PARP8: variants seen among roughly 807,000 people sequenced by gnomAD.
PARP8 encodes the protein poly(ADP-ribose) polymerase family member 8.
In PARP8, 51 loss-of-function variants were observed where a neutral mutation model predicts 124.1. The observed-to-expected ratio is 0.41, with a 90% CI of 0.33 to 0.52. The LOEUF (loss-of-function observed/expected upper bound fraction) is 0.52. PARP8 is among the 20% of genes least tolerant of loss of function. The pLI is 0.21. For synonymous variants in PARP8, 391 were observed against 361.5 expected (o/e 1.08, Z -0.93); for missense variants, 860 against 1,018.9 (o/e 0.84, Z 2.12).
chr5:50,677,623 G>A (rs550654176), intron 2 of PARP8, among the ~76,000 whole-genome samples: 26 of 151,856 alleles, frequency 1.7e-4, no homozygotes, highest in Non-Finnish European at 3.1e-4. Flanking sequence ...TATTTTTTTT[G>A]TAATCATATT....
At chr5:50,803,858 G>A (rs563666464) in intron 14 of PARP8, among the ~76,000 whole-genome samples, 55 of 151,824 alleles carry the variant, frequency 3.6e-4, no homozygotes, top group South Asian at 6.2e-4. Flanking sequence ...TTATTTCTTC[G>A]CATGCCTTTT....
chr5:50,703,987 A>G (rs1049872713), intron 2 of PARP8, among the ~76,000 whole-genome samples: 1 of 152,182 alleles, frequency 6.6e-6, no homozygotes, highest in African/African-American at 2.4e-5. Flanking sequence ...GCAAGATATA[A>G]AATTCAATTG....
chr5:50,828,255 A>G (rs1746563929), intron 20 of PARP8, 57 bp from the exon 21 acceptor site: 2 of 1,517,220 alleles, frequency 1.3e-6, no homozygotes, highest in Admixed American at 1.7e-5. Context: ...TGTTTTGACC[A>G]CTTTGAAGAT....
At chr5:50,788,171 T>G (rs1163105418) in intron 9 of PARP8, among the ~76,000 whole-genome samples, 1 of 146,626 alleles carries the variant, frequency 6.8e-6, no homozygotes, top group Non-Finnish European at 1.5e-5. Flanking sequence ...TTACATATAT[T>G]ATACATTAAT....
chr5:50,683,038 C>A (rs1227622198), intron 2 of PARP8, among the ~76,000 whole-genome samples: 1 of 152,010 alleles, frequency 6.6e-6, no homozygotes, highest in Non-Finnish European at 1.5e-5. Context: ...TGAAAAGGAA[C>A]CTTAAAAGCA....
intron 2 of PARP8, among the ~76,000 whole-genome samples, chr5:50,736,967 T>C (rs958147868): frequency 2.0e-5 from 3 of 152,202 alleles, no homozygotes; most frequent in Non-Finnish European, 4.4e-5. Flanking sequence ...GAAATTTTCA[T>C]AAGAAAGATG....
chr5:50,840,220 A>ATTCGG (rs1444904655), intron 25 of PARP8, among the ~76,000 whole-genome samples: 16 of 151,920 alleles, frequency 1.1e-4, no homozygotes, highest in Non-Finnish European at 2.1e-4. Flanking sequence ...ATTCGATTCG[A>ATTCGG]TTCAATTCTA....
intron 2 of PARP8, among the ~76,000 whole-genome samples, chr5:50,681,429 C>T (rs1184132364): frequency 6.6e-6 from 1 of 151,928 alleles, no homozygotes; most frequent in East Asian, 1.9e-4. Flanking sequence ...GACTTCTAAG[C>T]ATTATTTTTT....
intron 2 of PARP8, among the ~76,000 whole-genome samples, chr5:50,697,179 C>T (rs1753125990): frequency 6.6e-6 from 1 of 152,134 alleles, no homozygotes; most frequent in Non-Finnish European, 1.5e-5. Context: ...TCGCTTGAAC[C>T]AGGGAGTTGG....
chr5:50,798,965 A>G (rs1049436702), intron 14 of PARP8, among the ~76,000 whole-genome samples: 3 of 152,124 alleles, frequency 2.0e-5, no homozygotes, highest in African/African-American at 7.2e-5. Context: ...TGTATTCTGA[A>G]TACTTTATCT....
intron 14 of PARP8, among the ~76,000 whole-genome samples, chr5:50,811,592 G>A (rs1297773355): frequency 6.6e-6 from 1 of 150,714 alleles, no homozygotes; most frequent in Non-Finnish European, 1.5e-5. Flanking sequence ...ATTTCCATTG[G>A]GTGTTTTTTT....
At chr5:50,752,807 A>G (rs568306801) in intron 3 of PARP8, among the ~76,000 whole-genome samples, 14 of 152,218 alleles carry the variant, frequency 9.2e-5, no homozygotes, top group Non-Finnish European at 1.6e-4. Context: ...AAGTTTGAAC[A>G]TATGAAATTT....
intron 14 of PARP8, among the ~76,000 whole-genome samples, chr5:50,804,143 T>C (rs1251301567): frequency 1.3e-5 from 2 of 152,182 alleles, no homozygotes; most frequent in Admixed American, 6.6e-5. Flanking sequence ...TCTTCTAAGC[T>C]TTTTGATTAT....
chr5:50,787,450 C>G (rs1482210634), intron 9 of PARP8, among the ~76,000 whole-genome samples: 10 of 152,116 alleles, frequency 6.6e-5, no homozygotes, highest in Non-Finnish European at 1.5e-4. Flanking sequence ...CATTTTTTTC[C>G]TGCTTGTTCT....
chr5:50,824,399 A>G (rs1287756393), intron 17 of PARP8, among the ~76,000 whole-genome samples: 2 of 152,196 alleles, frequency 1.3e-5, no homozygotes, highest in African/African-American at 2.4e-5. Flanking sequence ...AAGGTGATCC[A>G]GGTTTTTAAA....
At chr5:50,808,189 G>A (rs891116500) in intron 14 of PARP8, among the ~76,000 whole-genome samples, 1 of 151,764 alleles carries the variant, frequency 6.6e-6, no homozygotes, top group Admixed American at 6.6e-5. Flanking sequence ...GATCCAGGGA[G>A]ATCAAAAATG....
At chr5:50,765,509 T>G (rs1468736930) in intron 7 of PARP8, among the ~76,000 whole-genome samples, 3 of 152,154 alleles carry the variant, frequency 2.0e-5, no homozygotes, top group African/African-American at 7.2e-5. Context: ...GAAATTAGAT[T>G]AAAAAATGTT....
At chr5:50,679,677 G>A (rs954344795) in intron 2 of PARP8, among the ~76,000 whole-genome samples, 11 of 152,150 alleles carry the variant, frequency 7.2e-5, no homozygotes, top group Admixed American at 2.6e-4. Flanking sequence ...TGACTCCAAT[G>A]CAGGTGATGC....
At chr5:50,824,734 A>C (rs1746151358) in intron 17 of PARP8, among the ~76,000 whole-genome samples, 174 bp from the exon 18 acceptor site, 2 of 152,134 alleles carry the variant, frequency 1.3e-5, no homozygotes, top group Non-Finnish European at 2.9e-5. Context: ...GAAAGTTCAC[A>C]ATTCCCATCA....
Sources: allele counts gnomAD v4.1 joint callset (sites outside exome capture counted in the v4.1 genomes callset), GRCh38; gene constraint gnomAD v4.1.1; transcripts MANE v1.5; gene names NCBI Gene and HGNC (gene_info 2026-07-23, HGNC 2026-07-21).